The following MACF1 variants were observed in gnomAD, a reference collection of about 807,000 sequenced individuals.
MACF1 encodes microtubule actin crosslinking factor 1, also known as microtubule-actin cross-linking factor 1.
Under a neutral mutation model 854.8 loss-of-function variants are expected in MACF1, and 193 were observed. That is an observed-to-expected ratio of 0.23 (90% confidence interval 0.20 to 0.25). The LOEUF (loss-of-function observed/expected upper bound fraction) is 0.25, where lower values mean the gene tolerates loss of function less well. MACF1 is among the 10% of genes least tolerant of loss of function. The pLI, the probability that MACF1 is intolerant of heterozygous loss-of-function variation, is 1.00. For missense variants in MACF1, 7,722 were observed against 8,929.1 expected (o/e 0.86, Z 5.45); for synonymous variants, 3,185 against 3,226.7 (o/e 0.99, Z 0.44).
chr1:39,472,213 T>C (rs1644791881), intron 97 of MACF1, among the ~76,000 whole-genome samples: 1 of 152,208 alleles, frequency 6.6e-6, no homozygotes, highest in Non-Finnish European at 1.5e-5. Flanking sequence ...TTTTTAACTT[T>C]AGGACTATAA....
At chr1:39,472,326 GT>G (rs1243696229) in intron 97 of MACF1, among the ~76,000 whole-genome samples, 1 of 152,138 alleles carries the variant, frequency 6.6e-6, no homozygotes, top group African/African-American at 2.4e-5. Context: ...AGAATTTGGT[GT>G]TTCCTTCTAG....
At position 39,084,266 on chromosome 1, in the gene MACF1, T is replaced by C. The variant is rs1373884256; in HGVS notation, c.48T>C (p.Ser16=). 1.1e-5 allele frequency: 18 copies of C among 1,613,546 alleles called. No homozygotes were observed. Among genetic ancestry groups the C allele is most frequent in the Non-Finnish European group, 1.4e-5 (16 of 1,179,880 alleles). The stretch of plus-strand genomic sequence containing the variant: ...CGCTCAGTGAGCGGTCATGTCGGAG[T>C]GAGCGGTCTTGTCGGAGTGAGCGAT... Residue 16 remains serine (S), a synonymous_variant, in exon 2 of 94, where the codon AGT becomes AGC. Coordinates refer to the MACF1 transcript ENST00000361689. The surrounding 1 kb of genome is among the most constrained non-coding windows in gnomAD (Gnocchi z 5.2).
intron 1 of MACF1, among the ~76,000 whole-genome samples, chr1:39,226,753 G>A (rs1571195969): frequency 2.6e-5 from 4 of 152,190 alleles, no homozygotes; most frequent in Admixed American, 6.5e-5. Flanking sequence ...ATACTTACTA[G>A]TTTAAAAGAA....
intron 38 of MACF1, among the ~76,000 whole-genome samples, chr1:39,339,891 T>C (rs959841397): frequency 2.6e-5 from 4 of 152,096 alleles, no homozygotes; most frequent in Non-Finnish European, 4.4e-5. Context: ...ATCTAGTGTG[T>C]GGCCTTGGGT....
At chr1:39,312,402 T>G (rs1186047435) in intron 26 of MACF1, among the ~76,000 whole-genome samples, 2 of 152,250 alleles carry the variant, frequency 1.3e-5, no homozygotes, top group African/African-American at 2.4e-5. Flanking sequence ...ATAATAACAT[T>G]CCTTTTTTAT....
chr1:39,349,288 C>T lies in MACF1; in HGVS notation c.10816-190C>T, dbSNP rs3754346. On this transcript the variant is annotated intron_variant, in intron 41 of 100. Transcript: ENST00000564288. Reference sequence around the variant, plus strand: ...TTATCCTGATTATCCAATCCATAGACCCAGATCAATGGACTGTCCAAATGA... The same window carrying T: ...TTATCCTGATTATCCAATCCATAGATCCAGATCAATGGACTGTCCAAATGA... Among the ~76,000 whole-genome samples the T allele has an allele frequency of 0.16, 24,243 of 152,126 alleles. 2,411 individuals are homozygous for T. The highest frequency in any genetic ancestry group is 0.22 in the Middle Eastern group (64 of 292).
intron 100 of MACF1, 66 bp downstream of exon 100, chr1:39,484,796 G>GT (rs1557678998): frequency 6.3e-7 from 1 of 1,590,452 alleles, no homozygotes. Context: ...TATGTGGAAT[G>GT]TTTCACTGCT....
intron 99 of MACF1, among the ~76,000 whole-genome samples, chr1:39,484,270 TTC>T (rs1185039888): frequency 1.3e-5 from 2 of 152,266 alleles, no homozygotes; most frequent in African/African-American, 4.8e-5. Context: ...TTATTTGAAT[TTC>T]TTTTTCCTTT....
rs1305044534 is a variant in MACF1 at position 39,324,694 on chromosome 1, A to G, written c.4438A>G (p.Ile1480Val). ...AAAGAAAGAACAAGTCTCTGAAGCTATTAAAACATCACAGATCTTCTTGGC... is the reference window on the plus strand; with the variant it reads ...AAAGAAAGAACAAGTCTCTGAAGCTGTTAAAACATCACAGATCTTCTTGGC... ...TTKKEQVSEAIKTSQIFLAKH... is the reference protein window; with the variant it reads ...TTKKEQVSEAVKTSQIFLAKH... Residue 1480 changes from isoleucine to valine, a missense_variant, in exon 35 of 101, where the codon ATT (isoleucine) becomes GTT (valine). Physicochemically the swap from Ile to Val is conservative, Grantham distance 29. Transcript: ENST00000564288. 2.0e-5 allele frequency: 32 copies of G among 1,613,668 alleles called. No individual in the cohort carries two copies. Among genetic ancestry groups the G allele is most frequent in the African/African-American group, 4.0e-5 (3 of 74,916 alleles).
chr1:39,465,975 C>CT (rs1240652258), intron 95 of MACF1, among the ~76,000 whole-genome samples: 1 of 152,168 alleles, frequency 6.6e-6, no homozygotes, highest in Non-Finnish European at 1.5e-5. Flanking sequence ...TTGCTAATGA[C>CT]TGTGTGTGAA....
At chr1:39,277,161 A>AG (rs1282910901) in intron 6 of MACF1, among the ~76,000 whole-genome samples, 2 of 152,132 alleles carry the variant, frequency 1.3e-5, no homozygotes, top group African/African-American at 4.8e-5. Context: ...ATGAAAAAAA[A>AG]AAAAAACCCT....
At chr1:39,423,665 A>G (rs1278644050) in intron 60 of MACF1, among the ~76,000 whole-genome samples, 1 of 151,828 alleles carries the variant, frequency 6.6e-6, no homozygotes, top group African/African-American at 2.4e-5. Flanking sequence ...TTTATAATAT[A>G]CAATGTGATG....
rs1226479812 is a variant in MACF1, at chr1:39,463,629, T to C, written c.21696T>C (p.Ala7232=). ...CCCAATAGGTTACAAGACAAGTGGC[T>C]CAGTGCAAATGTGCAAAAAGGTTTC... ...KIEDEVTRQV[A]QCKCAKRFQV... The change falls in exon 94 of 101, where the codon GCT becomes GCC. Residue 7232 remains alanine, a synonymous_variant. Coordinates refer to ENST00000564288, the MANE Select transcript of MACF1 (RefSeq NM_001394062.1). 6.2e-7 allele frequency: 1 copy of C among 1,613,672 alleles called. No individual in the cohort carries two copies. The highest frequency in any genetic ancestry group is 1.3e-5 in the African/African-American group (1 of 74,938).
Position 39,387,878 on chromosome 1 carries a change from C to G in MACF1, c.15036C>G (p.Leu5012=). Residue 5012 remains leucine, a synonymous_variant, in exon 58 of 101, where the codon CTC becomes CTG. Coordinates refer to ENST00000564288, the MANE Select transcript of MACF1 (RefSeq NM_001394062.1). ...TGSLEEMTQR[L]REFQESFKNI... ...CACTCGAAGAAATGACTCAGAGGCTCAGGGAGTTCCAGGAAAGCTTTAAGA... is the reference window on the plus strand; with the variant it reads ...CACTCGAAGAAATGACTCAGAGGCTGAGGGAGTTCCAGGAAAGCTTTAAGA... 1 of 1,613,912 alleles carries G rather than the reference C, an allele frequency of 6.2e-7. No individual in the cohort carries two copies. The highest frequency in any genetic ancestry group is 1.1e-5 in the South Asian group (1 of 91,070).
In MACF1 at chr1:39,084,209, C is replaced by T. The variant is rs751846058; in HGVS notation, c.-10C>T. 60 of 1,611,508 alleles carry T rather than the reference C, an allele frequency of 3.7e-5. 1 individual carries two copies. The highest frequency in any genetic ancestry group is 8.9e-5 in the East Asian group (4 of 44,884). The stretch of plus-strand genomic sequence containing the variant: ...TCCCAGGCCCTCCTGCAGCAGCCCC[C>T]GCCTGGGCCATGTCTTCCTCAGATG... On this transcript the variant is annotated 5_prime_UTR_variant, in exon 2 of 94. Transcript: ENST00000361689. This position sits in a 1 kb window ranked among gnomAD's most constrained non-coding sequence, Gnocchi z 5.2.
At chr1:39,472,876 C>T (rs1034448311) in intron 97 of MACF1, among the ~76,000 whole-genome samples, 1 of 152,192 alleles carries the variant, frequency 6.6e-6, no homozygotes, top group South Asian at 2.1e-4. Context: ...TGAGTTTAGA[C>T]CTTCTTAATG....
At chr1:39,478,436 C>T (rs1009156152) in intron 97 of MACF1, among the ~76,000 whole-genome samples, 25 of 152,280 alleles carry the variant, frequency 1.6e-4, no homozygotes, top group Non-Finnish European at 3.5e-4. Context: ...TTGACCTGAT[C>T]GCCTCTGGTG....
At chr1:39,139,151 G>A (rs1643259746) in intron 2 of MACF1, among the ~76,000 whole-genome samples, 1 of 152,174 alleles carries the variant, frequency 6.6e-6, no homozygotes, top group Admixed American at 6.5e-5. Context: ...CAAATTCACA[G>A]ATAACTACTA....
chr1:39,360,803 C>T lies in MACF1; in HGVS notation c.12255C>T (p.Leu4085=), dbSNP rs2148518671. The change falls in exon 48 of 101, where the codon CTC becomes CTT. Residue 4085 remains leucine, a synonymous_variant. Coordinates refer to ENST00000564288, the MANE Select transcript of MACF1 (RefSeq NM_001394062.1). ...RHVQETTDSI[L]SHFQSLSYSL... ...GGCCTGATTTTTCAGATTCCATACT[C>T]AGCCACTTCCAAAGCCTCTCCTATA... 1 of 1,607,594 alleles carries T rather than the reference C, an allele frequency of 6.2e-7. No individual in the cohort carries two copies. The highest frequency in any genetic ancestry group is 8.5e-7 in the Non-Finnish European group (1 of 1,176,528).
Sources: gnomAD v4.1 joint callset for allele counts (sites outside exome capture counted in the v4.1 genomes callset) on GRCh38, gnomAD v4.1.1 for gene constraint, Gnocchi (gnomAD v3.1) non-coding constraint, MANE v1.5 for transcripts, NCBI Gene and HGNC (gene_info 2026-07-23, HGNC 2026-07-21) for gene names.